The following SKAP1 variants were observed in gnomAD, a reference collection of about 807,000 sequenced individuals.
SKAP1 encodes the protein src kinase associated phosphoprotein 1.
A neutral mutation model predicts 58.5 loss-of-function variants in SKAP1; 44 were observed. That is an observed-to-expected ratio of 0.75 (90% CI 0.59 to 0.97). SKAP1 has a LOEUF of 0.97. SKAP1 is among the 50% of genes least tolerant of loss of function. The pLI is 0.00. For synonymous variants in SKAP1, 127 were observed against 149.7 expected (o/e 0.85, Z 1.11); for missense variants, 390 against 435.2 (o/e 0.90, Z 0.92).
At chr17:48,153,947 A>G (rs1316498356) in intron 11 of SKAP1, among the ~76,000 whole-genome samples, 1 of 152,142 alleles carries the variant, frequency 6.6e-6, no homozygotes. Context: ...AATTGAAGGA[A>G]TTAACTTATC....
At chr17:48,211,995 A>G (rs765136417) in intron 4 of SKAP1, among the ~76,000 whole-genome samples, 1 of 150,426 alleles carries the variant, frequency 6.6e-6, no homozygotes, top group Non-Finnish European at 1.5e-5. Context: ...ACGTGGTCAA[A>G]TCTAGTTGCC....
chr17:48,153,392 A>T (rs2063928001), intron 11 of SKAP1, among the ~76,000 whole-genome samples: 1 of 152,176 alleles, frequency 6.6e-6, no homozygotes, highest in Non-Finnish European at 1.5e-5. Context: ...GTCTGGGGGA[A>T]AGGAATGGCC....
chr17:48,144,137 AT>A (rs1324402552), intron 11 of SKAP1, among the ~76,000 whole-genome samples: 1 of 152,162 alleles, frequency 6.6e-6, no homozygotes, highest in Non-Finnish European at 1.5e-5. Flanking sequence ...TGTAAGGAGG[AT>A]GGCACAGTCC....
At chr17:48,332,829 A>C (rs533433516) in intron 4 of SKAP1, among the ~76,000 whole-genome samples, 19 of 152,308 alleles carry the variant, frequency 1.2e-4, no homozygotes, top group African/African-American at 4.3e-4. Context: ...AAAATTTCAT[A>C]GAAATCTTTC....
intron 4 of SKAP1, among the ~76,000 whole-genome samples, chr17:48,337,580 A>G (rs2066590512): frequency 6.6e-6 from 1 of 152,246 alleles, no homozygotes; most frequent in African/African-American, 2.4e-5. Flanking sequence ...AACATGGACA[A>G]AAAGGCCAAA....
At chr17:48,440,048 G>A in the SKAP1 span, among the ~76,000 whole-genome samples, 2 of 152,170 alleles carry the variant, frequency 1.3e-5, no homozygotes. Flanking sequence ...TGGTGGAGGA[G>A]AGCAATTGCC....
At chr17:48,293,589 G>A (rs951502875) in intron 4 of SKAP1, among the ~76,000 whole-genome samples, 1 of 152,132 alleles carries the variant, frequency 6.6e-6, no homozygotes, top group Non-Finnish European at 1.5e-5. Flanking sequence ...TGGTACATAC[G>A]AGGTTCTGAG....
At position 48,189,420 on chromosome 17, in the gene SKAP1, T is replaced by C; in HGVS notation, c.358+3A>G. The C allele has an allele frequency of 6.2e-7, 1 of 1,610,080 alleles. No individual in the cohort carries two copies. The highest frequency in any genetic ancestry group is 8.5e-7 in the Non-Finnish European group (1 of 1,177,252). On this transcript the variant is annotated splice_donor_region_variant and intron_variant, in intron 5 of 12. Coordinates refer to ENST00000336915, the MANE Select transcript of SKAP1 (RefSeq NM_003726.4). ...TTCTGAAATCTGTGGGTCTGACCAA[T>C]ACCTTTGCTTTTCTTCTCCAAGTAT...
intron 12 of SKAP1, among the ~76,000 whole-genome samples, chr17:48,136,312 T>C (rs8065986): frequency 0.97 from 148,265 of 152,126 alleles, 72,277 homozygotes; most frequent in East Asian, 1. Flanking sequence ...GCTAGGATTA[T>C]AGGTGCACAC....
intron 4 of SKAP1, among the ~76,000 whole-genome samples, chr17:48,233,977 T>C (rs945426602): frequency 1.3e-5 from 2 of 152,224 alleles, no homozygotes; most frequent in Non-Finnish European, 2.9e-5. Flanking sequence ...TTTTTGGCAG[T>C]GAAAGGTTTA....
chr17:48,362,461 T>A (rs1012509224), intron 3 of SKAP1, among the ~76,000 whole-genome samples: 3 of 152,248 alleles, frequency 2.0e-5, no homozygotes, highest in Non-Finnish European at 4.4e-5. Context: ...GGTTAACATC[T>A]GTTAAACCCT....
At chr17:48,284,226 G>A (rs1024453478) in intron 4 of SKAP1, among the ~76,000 whole-genome samples, 1 of 152,136 alleles carries the variant, frequency 6.6e-6, no homozygotes, top group African/African-American at 2.4e-5. Flanking sequence ...TTATAATAAT[G>A]TTTTTAAAAA....
chr17:48,155,319 G>C, intron 11 of SKAP1, among the ~76,000 whole-genome samples: 1 of 151,002 alleles, frequency 6.6e-6, no homozygotes, highest in East Asian at 2.1e-4. Context: ...GTAGAGATGG[G>C]GTTTTGCCAT....
At chr17:48,284,192 T>G (rs1195440038) in intron 4 of SKAP1, among the ~76,000 whole-genome samples, 1 of 152,210 alleles carries the variant, frequency 6.6e-6, no homozygotes, top group East Asian at 1.9e-4. Flanking sequence ...TTTGTAGTTG[T>G]TCTGATTTTA....
At chr17:48,291,221 G>A (rs1295323626) in intron 4 of SKAP1, among the ~76,000 whole-genome samples, 1 of 152,012 alleles carries the variant, frequency 6.6e-6, no homozygotes, top group Non-Finnish European at 1.5e-5. Flanking sequence ...CACCTTCATG[G>A]GGTTACTTTG....
intron 9 of SKAP1, among the ~76,000 whole-genome samples, chr17:48,177,421 A>G (rs2064305444): frequency 6.6e-6 from 1 of 152,228 alleles, no homozygotes; most frequent in South Asian, 2.1e-4. Flanking sequence ...CATCTGAGAC[A>G]GCTACTATTG....
chr17:48,275,251 A>G (rs886603391), intron 4 of SKAP1, among the ~76,000 whole-genome samples: 9 of 152,170 alleles, frequency 5.9e-5, no homozygotes, highest in African/African-American at 1.4e-4. Context: ...CTAATTGTCA[A>G]TCCCAATGAC....
At chr17:48,148,884 G>A (rs1268494043) in intron 11 of SKAP1, among the ~76,000 whole-genome samples, 4 of 152,196 alleles carry the variant, frequency 2.6e-5, no homozygotes, top group African/African-American at 9.6e-5. Flanking sequence ...GTGCAAAACA[G>A]GGTAGGATAG....
chr17:48,444,971 G>A, the SKAP1 span, among the ~76,000 whole-genome samples: 27 of 152,308 alleles, frequency 1.8e-4, no homozygotes, highest in South Asian at 5.6e-3. Flanking sequence ...CAGCTGAGTA[G>A]AATACCAAAC....
Sources: gnomAD v4.1 joint callset for allele counts (sites outside exome capture counted in the v4.1 genomes callset) on GRCh38, gnomAD v4.1.1 for gene constraint, MANE v1.5 for transcripts, NCBI Gene and HGNC (gene_info 2026-07-23, HGNC 2026-07-21) for gene names.